Variants in PDE3B observed in about 807,000 individuals in gnomAD.
PDE3B encodes the protein phosphodiesterase 3B, also known as cGMP-inhibited 3',5'-cyclic phosphodiesterase 3B.
A neutral mutation model predicts 116.8 loss-of-function variants in PDE3B; 66 were observed. The observed-to-expected ratio is 0.56, with a 90% CI of 0.46 to 0.69. The LOEUF is 0.69. PDE3B is among the 30% of genes least tolerant of loss of function. PDE3B has a pLI of 0.00. For synonymous variants in PDE3B, 595 were observed against 533.6 expected (o/e 1.12, Z -1.59); for missense variants, 1,384 against 1,368.1 (o/e 1.01, Z -0.18).
intron 1 of PDE3B, among the ~76,000 whole-genome samples, chr11:14,709,015 A>G (rs1371447055): frequency 6.6e-6 from 1 of 152,164 alleles, no homozygotes; most frequent in Non-Finnish European, 1.5e-5. Context: ...CAGAAATACT[A>G]TCAATTCTAT....
chr11:14,713,819 C>T (rs1855785201), intron 1 of PDE3B, among the ~76,000 whole-genome samples: 1 of 151,856 alleles, frequency 6.6e-6, no homozygotes, highest in South Asian at 2.1e-4. Context: ...GGAATTTAAG[C>T]CAGAGGCTAA....
intron 14 of PDE3B, among the ~76,000 whole-genome samples, chr11:14,864,614 G>A (rs1484518170): frequency 6.6e-6 from 1 of 152,192 alleles, no homozygotes; most frequent in Non-Finnish European, 1.5e-5. Context: ...AGACCACAGT[G>A]CAATCAAATT....
chr11:14,784,953 T>G (rs183774651), intron 2 of PDE3B, among the ~76,000 whole-genome samples: 1 of 152,266 alleles, frequency 6.6e-6, no homozygotes, highest in East Asian at 1.9e-4. Context: ...TTGTGTGTGT[T>G]CCATTTGAAT....
At chr11:14,665,795 A>C (rs528231160) in intron 1 of PDE3B, among the ~76,000 whole-genome samples, 2 of 152,328 alleles carry the variant, frequency 1.3e-5, no homozygotes, top group African/African-American at 4.8e-5. Flanking sequence ...ATACAAATAA[A>C]TGGAAGAACA....
intron 1 of PDE3B, among the ~76,000 whole-genome samples, chr11:14,652,389 T>C (rs1283710685): frequency 6.6e-6 from 1 of 152,196 alleles, no homozygotes; most frequent in Non-Finnish European, 1.5e-5. Flanking sequence ...TTGTATCTTT[T>C]AGTAAGTTTT....
intron 1 of PDE3B, among the ~76,000 whole-genome samples, chr11:14,731,145 G>A (rs780571074): frequency 2.6e-5 from 4 of 151,240 alleles, no homozygotes; most frequent in Non-Finnish European, 4.4e-5. Context: ...TCAGTTCCTT[G>A]TGTTTTATGT....
intron 2 of PDE3B, among the ~76,000 whole-genome samples, chr11:14,779,241 T>C (rs909830203): frequency 6.6e-6 from 1 of 152,138 alleles, no homozygotes; most frequent in African/African-American, 2.4e-5. Context: ...TGGAAAACAC[T>C]CTTCAGGATA....
rs1229697293 is a variant in PDE3B, at chr11:14,645,683, CTG to C, written c.978+632_978+633del. On this transcript the variant is annotated intron_variant, in intron 1 of 15. Coordinates refer to ENST00000282096, the MANE Select transcript of PDE3B (RefSeq NM_000922.4). ...TTGTATTTGTTGCATAATTAGGAGA[CTG>C]TTTTAACAGTTTAAACTTTAAACTT... is the stretch of plus-strand genomic sequence containing the variant. 3.3e-5 allele frequency among the ~76,000 whole-genome samples: 5 copies of C among 152,134 alleles called. No homozygotes were observed. In the South Asian group the frequency reaches 8.3e-4, roughly 25 times the overall value.
intron 1 of PDE3B, among the ~76,000 whole-genome samples, chr11:14,739,193 C>T (rs1360649860): frequency 6.6e-6 from 1 of 152,164 alleles, no homozygotes; most frequent in African/African-American, 2.4e-5. Flanking sequence ...TTACCTTGGA[C>T]AGTATGGCCC....
chr11:14,859,317 T>A, intron 13 of PDE3B, 71 bp downstream of exon 13: 1 of 1,044,402 alleles, frequency 9.6e-7, no homozygotes, highest in Non-Finnish European at 1.4e-6. Flanking sequence ...ATATGTTTTT[T>A]AATGTTAAGT....
At chr11:14,894,586 A>G in the PDE3B span, among the ~76,000 whole-genome samples, 1 of 152,216 alleles carries the variant, frequency 6.6e-6, no homozygotes, top group Non-Finnish European at 1.5e-5. Flanking sequence ...TTCCCTGGCT[A>G]CATAGCAGAG....
intron 1 of PDE3B, among the ~76,000 whole-genome samples, chr11:14,705,772 G>A (rs1855513333): frequency 6.6e-6 from 1 of 151,778 alleles, no homozygotes; most frequent in African/African-American, 2.4e-5. Flanking sequence ...TGGAGGAAGT[G>A]TGTGTATGGT....
intron 1 of PDE3B, among the ~76,000 whole-genome samples, chr11:14,717,713 CA>C (rs1855951165): frequency 7.4e-6 from 1 of 134,532 alleles, no homozygotes; most frequent in African/African-American, 2.8e-5. Context: ...TACAGACAAG[CA>C]AATGCTGAGA....
chr11:14,664,727 ACT>A (rs1327753734), intron 1 of PDE3B, among the ~76,000 whole-genome samples: 4 of 152,158 alleles, frequency 2.6e-5, no homozygotes, highest in African/African-American at 7.2e-5. Context: ...GAAGAAGTTG[ACT>A]CTCTGAATAG....
At chr11:14,749,494 G>A (rs553122934) in intron 1 of PDE3B, among the ~76,000 whole-genome samples, 18 of 152,130 alleles carry the variant, frequency 1.2e-4, no homozygotes, top group African/African-American at 4.1e-4. Context: ...TTTTTAACCT[G>A]TTGGCCCTAG....
intron 11 of PDE3B, 34 bp from the exon 12 acceptor site, chr11:14,843,793 A>G: frequency 6.5e-7 from 1 of 1,534,574 alleles, no homozygotes; most frequent in Non-Finnish European, 9.0e-7. Context: ...TTATGTGCTA[A>G]TGCTGGTTTA....
chr11:14,846,768 T>A (rs2133977312), intron 12 of PDE3B, among the ~76,000 whole-genome samples: 1 of 152,108 alleles, frequency 6.6e-6, no homozygotes, highest in Middle Eastern at 3.4e-3. Context: ...GGTAAAGGGA[T>A]CAATTCAACA....
At chr11:14,645,203 T>A in intron 1 of PDE3B, 150 bp downstream of exon 1, 1 of 625,044 alleles carries the variant, frequency 1.6e-6, no homozygotes, top group Non-Finnish European at 2.7e-6. Context: ...GAAATAATGT[T>A]TTATTCTGGA....
rs2133962905 is a variant in PDE3B at position 14,831,522 on chromosome 11, A to G, written c.1957-118A>G. The G allele has an allele frequency of 3.9e-6, 2 of 511,962 alleles. 1 individual carries two copies. The highest frequency in any genetic ancestry group is 1.1e-4 in the South Asian group (2 of 18,322). The allele number at this position is 511,962 out of a possible 1,614,324, so 31.7% of individuals were successfully genotyped here. ...GATAAGACTATATTTAAGAATAACCATTATAGAAAATAGTACTGACTTTTT... is the reference window on the plus strand; with the variant it reads ...GATAAGACTATATTTAAGAATAACCGTTATAGAAAATAGTACTGACTTTTT... On this transcript the variant is annotated intron_variant, in intron 8 of 15. Coordinates refer to ENST00000282096, the MANE Select transcript of PDE3B (RefSeq NM_000922.4).
Sources: gnomAD v4.1 joint callset for allele counts (sites outside exome capture counted in the v4.1 genomes callset) on GRCh38, gnomAD v4.1.1 for gene constraint, MANE v1.5 for transcripts, NCBI Gene and HGNC (gene_info 2026-07-23, HGNC 2026-07-21) for gene names.